TGFBI: variants seen among roughly 807,000 people sequenced by gnomAD.
The protein encoded by TGFBI is transforming growth factor beta induced.
In TGFBI, 50 loss-of-function variants were observed where a neutral mutation model predicts 73.7. That is an observed-to-expected ratio of 0.68 (90% CI 0.54 to 0.86). TGFBI has a LOEUF of 0.86. Ranked by LOEUF, TGFBI falls within the 40% of genes least tolerant of loss-of-function variation. The pLI, the probability that TGFBI is intolerant of heterozygous loss-of-function variation, is 0.00. For synonymous variants in TGFBI, 362 were observed against 360.5 expected, an observed-to-expected ratio of 1.00 and a Z score of -0.05; for missense variants, 839 against 877.0, an observed-to-expected ratio of 0.96 and a Z score of 0.55.
chr5:136,053,850 A>G lies in TGFBI; in HGVS notation c.1127-93A>G, dbSNP rs550168358. 50 of 1,568,200 alleles carry G rather than the reference A, an allele frequency of 3.2e-5. No homozygotes were observed. The African/African-American group carries it at 6.5e-4, about 20-fold the overall frequency. On this transcript the variant is annotated intron_variant, in intron 8 of 16. Transcript: ENST00000442011. ...AGGGGTTGTTGACTCACGAGATGAC[A>G]TTCCTGCTGATGTGTGTCATGCCCT...
At position 136,059,066 on chromosome 5, in the gene TGFBI, A is replaced by G. The variant is rs369146663; in HGVS notation, c.1679-24A>G. ...AATTACCATTCTTGGGATTAACTCTATCTCCTTTTCCCGCAACCTGCAGGA... is the reference window on the plus strand; with the variant it reads ...AATTACCATTCTTGGGATTAACTCTGTCTCCTTTTCCCGCAACCTGCAGGA... On this transcript the variant is annotated intron_variant, in intron 12 of 16. Transcript: ENST00000442011. 10 of 1,605,774 alleles carry G rather than the reference A, an allele frequency of 6.2e-6. No individual in the cohort carries two copies. The African/African-American group carries it at 1.1e-4, about 17-fold the overall frequency.
intron 7 of TGFBI, among the ~76,000 whole-genome samples, chr5:136,050,952 G>A (rs1478734638): frequency 6.6e-6 from 1 of 152,190 alleles, no homozygotes; most frequent in Admixed American, 6.5e-5. Flanking sequence ...TAGTAGAAAT[G>A]GCAGGCTTTA....
intron 7 of TGFBI, 132 bp from the exon 8 acceptor site, chr5:136,052,775 G>A (rs1236616964): frequency 4.6e-6 from 4 of 872,734 alleles, no homozygotes; most frequent in South Asian, 3.7e-5. Context: ...TCTGGGCCCT[G>A]TGGTGCCCCA....
chr5:136,049,494 CG>C lies in TGFBI; in HGVS notation c.828del (p.Leu277PhefsTer17). On this transcript the variant is annotated frameshift_variant, in exon 7 of 17. Coordinates refer to ENST00000442011, the MANE Select transcript of TGFBI (RefSeq NM_000358.3). LOFTEE classifies it high-confidence loss of function. ...NTMLEGNGQY[T>X]LLAPTNEAFE... Reference sequence around the variant, plus strand: ...ATGCTTGAAGGTAACGGCCAGTACACGCTTTTGGCCCCGACCAATGAGGCCT... The same window carrying C: ...ATGCTTGAAGGTAACGGCCAGTACACCTTTTGGCCCCGACCAATGAGGCCT... The C allele has an allele frequency of 6.2e-7, 1 of 1,614,004 alleles. No individual in the cohort carries two copies. The highest frequency in any genetic ancestry group is 1.1e-5 in the South Asian group (1 of 91,070).
intron 1 of TGFBI, among the ~76,000 whole-genome samples, chr5:136,032,524 G>A (rs1318535422): frequency 1.3e-5 from 2 of 152,244 alleles, no homozygotes; most frequent in African/African-American, 4.8e-5. Flanking sequence ...CAAATACGCT[G>A]CACATCAAGT....
At chr5:136,030,385 G>A (rs1462725736) in intron 1 of TGFBI, among the ~76,000 whole-genome samples, 1 of 152,180 alleles carries the variant, frequency 6.6e-6, no homozygotes, top group Non-Finnish European at 1.5e-5. Context: ...GGGCATAGTT[G>A]CTCTTGTTTC....
chr5:136,039,135 A>G (rs1751284732), intron 2 of TGFBI, among the ~76,000 whole-genome samples: 1 of 152,238 alleles, frequency 6.6e-6, no homozygotes, highest in African/African-American at 2.4e-5. Context: ...TAAGGTTTAT[A>G]TCTGGAGTTT....
In TGFBI at chr5:136,055,780, C is replaced by G; in HGVS notation, c.1511C>G (p.Thr504Ser). 1 of 1,612,486 alleles carries G rather than the reference C, an allele frequency of 6.2e-7. No homozygotes were observed. Among genetic ancestry groups the G allele is most frequent in the Non-Finnish European group, 8.5e-7 (1 of 1,178,942 alleles). ...CGGGTGCTGACCCCCCCAATGGGGA[C>G]TGTCATGGATGTCCTGAAGGGAGAC... ...MDRVLTPPMGTVMDVLKGDNR... is the reference protein window; with the variant it reads ...MDRVLTPPMGSVMDVLKGDNR... Residue 504 changes from threonine to serine, a missense_variant, in exon 11 of 17, where the codon ACT becomes AGT. By Grantham distance (58) the Thr-to-Ser change is moderately conservative. Coordinates refer to ENST00000442011, the MANE Select transcript of TGFBI (RefSeq NM_000358.3).
intron 2 of TGFBI, among the ~76,000 whole-genome samples, chr5:136,042,339 C>T (rs752896337): frequency 4.6e-5 from 7 of 152,138 alleles, no homozygotes; most frequent in Admixed American, 2.6e-4. Context: ...TAACTTCACC[C>T]CATTTCATAG....
In TGFBI at chr5:136,063,209, G is replaced by C. The variant is rs200927007; in HGVS notation, c.2035G>C (p.Glu679Gln). The change falls in exon 17 of 17, where the codon GAG (glutamate) becomes CAG (glutamine). Residue 679 changes from glutamate (E) to glutamine (Q), a missense_variant. By Grantham distance (29) the Glu-to-Gln change is conservative. Transcript: ENST00000442011. ...RLAPVYQKLL[E>Q]RMKH The stretch of plus-strand genomic sequence containing the variant: ...AGCCCCTGTCTATCAAAAGTTATTA[G>C]AGAGGATGAAGCATTAGCTTGAAGC... 1.8e-4 allele frequency: 296 copies of C among 1,613,736 alleles called. No individual in the cohort carries two copies. Among genetic ancestry groups the C allele is most frequent in the Non-Finnish European group, 2.3e-4 (277 of 1,179,810 alleles).
In TGFBI at chr5:136,055,956, A is replaced by G. The variant is rs1291947889; in HGVS notation, c.1547+140A>G. ...GCAGTGCACTGCTGCGACCTTCCAG[A>G]CTTGGGATGGGGAAAAGGCAAGGGT... On this transcript the variant is annotated intron_variant, in intron 11 of 16. Transcript: ENST00000442011. 23 of 896,284 alleles carry G rather than the reference A, an allele frequency of 2.6e-5. No individual in the cohort carries two copies. The East Asian group carries it at 6.7e-4, about 26-fold the overall frequency. The allele number at this position is 896,284 out of a possible 1,614,324, so 55.5% of individuals were successfully genotyped here.
At chr5:136,049,976 C>T (rs1751505482) in intron 7 of TGFBI, among the ~76,000 whole-genome samples, 1 of 152,198 alleles carries the variant, frequency 6.6e-6, no homozygotes. Context: ...ATTCCTCATG[C>T]CCACGCTTCA....
intron 7 of TGFBI, among the ~76,000 whole-genome samples, chr5:136,051,451 A>C (rs1488334751): frequency 2.6e-5 from 4 of 152,120 alleles, no homozygotes; most frequent in African/African-American, 7.2e-5. Context: ...AAAACAAAAC[A>C]AAACAAAACA....
rs1331087376 is a variant in TGFBI at position 136,059,265 on chromosome 5, C to T, written c.1803+51C>T. 2.5e-6 allele frequency: 4 copies of T among 1,594,530 alleles called. No individual in the cohort carries two copies. In the East Asian group the frequency reaches 9.0e-5, roughly 36 times the overall value. ...GGCTAAATTTCCCCAGGGCAGGGCT[C>T]CAGGACATATCTCACCCCCAGGATG... On this transcript the variant is annotated intron_variant, in intron 13 of 16. Coordinates refer to ENST00000442011, the MANE Select transcript of TGFBI (RefSeq NM_000358.3).
In TGFBI at chr5:136,054,731, T is replaced by A. The variant is rs545095042; in HGVS notation, c.1280T>A (p.Ile427Asn). ...NSVFKDGTPP[I>N]DAHTRNLLRN... The stretch of plus-strand genomic sequence containing the variant: ...TTTCTTGTAGATGGAACCCCTCCAA[T>A]TGATGCCCATACAAGGAATTTGCTT... Residue 427 changes from isoleucine to asparagine, a missense_variant, in exon 10 of 17, where the codon ATT becomes AAT. Ile to Asn is a moderately radical substitution (Grantham distance 149). Coordinates refer to ENST00000442011, the MANE Select transcript of TGFBI (RefSeq NM_000358.3). 1 of 1,613,974 alleles carries A rather than the reference T, an allele frequency of 6.2e-7. No homozygotes were observed. Among genetic ancestry groups the A allele is most frequent in the South Asian group, 1.1e-5 (1 of 91,084 alleles).
In TGFBI at chr5:136,059,204, A is replaced by T. The variant is rs199579539; in HGVS notation, c.1793A>T (p.Glu598Val). ...RLKSLQGDKL[E>V]VSLKNNVVSV... ...AAGTCTCTCCAAGGTGACAAGCTGG[A>T]AGTCAGCTTGGTAAGTGTCCTGCAA... Residue 598 changes from glutamate to valine, a missense_variant, in exon 13 of 17, where the codon GAA (glutamate) becomes GTA (valine). By Grantham distance (121) the Glu-to-Val change is moderately radical. Coordinates refer to ENST00000442011, the MANE Select transcript of TGFBI (RefSeq NM_000358.3). 3.1e-6 allele frequency: 5 copies of T among 1,610,044 alleles called. No homozygotes were observed. The highest frequency in any genetic ancestry group is 4.2e-6 in the Non-Finnish European group (5 of 1,178,792).
At chr5:136,046,829 G>A (rs1751437250) in intron 4 of TGFBI, 22 bp from the exon 5 acceptor site, 1 of 1,607,478 alleles carries the variant, frequency 6.2e-7, no homozygotes, top group African/African-American at 1.3e-5. Context: ...GCCCCTAACT[G>A]ACACCCTGTC....
rs775327030 is a variant in TGFBI, at chr5:136,046,507, T to G, written c.459+12T>G. On this transcript the variant is annotated intron_variant, in intron 4 of 16. Transcript: ENST00000442011. Reference sequence around the variant, plus strand: ...CCTCCTTGCCAGCTGTGAGATGACCTCCGTCTGCCCGGGGGACTCTTATGG... The same window carrying G: ...CCTCCTTGCCAGCTGTGAGATGACCGCCGTCTGCCCGGGGGACTCTTATGG... 2 of 1,595,746 alleles carry G rather than the reference T, an allele frequency of 1.3e-6. No individual in the cohort carries two copies. The highest frequency in any genetic ancestry group is 2.7e-5 in the African/African-American group (2 of 74,486).
At chr5:136,038,769 C>T (rs45555334) in intron 2 of TGFBI, among the ~76,000 whole-genome samples, 2 of 151,112 alleles carry the variant, frequency 1.3e-5, no homozygotes, top group Admixed American at 6.6e-5. Flanking sequence ...GAGAAGGCAA[C>T]GTGATGATGA....
Sources: gnomAD v4.1 joint callset for allele counts (sites outside exome capture counted in the v4.1 genomes callset) on GRCh38, gnomAD v4.1.1 for gene constraint, MANE v1.5 for transcripts, NCBI Gene and HGNC (gene_info 2026-07-23, HGNC 2026-07-21) for gene names.